Variants in CDH13 observed in about 807,000 individuals in gnomAD.
CDH13 encodes the protein cadherin 13.
Under a neutral mutation model 63.8 loss-of-function variants are expected in CDH13, and 24 were observed. That is an observed-to-expected ratio of 0.38 (90% CI 0.27 to 0.53). The LOEUF is 0.53. Among genes scored for constraint, CDH13 ranks in the 20% least tolerant of loss-of-function variants. The pLI, the probability that CDH13 is intolerant of heterozygous loss-of-function variation, is 0.85. For missense variants in CDH13, 1,049 were observed against 903.1 expected, an observed-to-expected ratio of 1.16 and a Z score of -2.07; for synonymous variants, 503 against 355.3, an observed-to-expected ratio of 1.42 and a Z score of -4.67.
At chr16:82,802,608 C>A (rs1006711177) in intron 1 of CDH13, among the ~76,000 whole-genome samples, 1 of 152,106 alleles carries the variant, frequency 6.6e-6, no homozygotes, top group Non-Finnish European at 1.5e-5. Context: ...TACTCTGGGG[C>A]TTCATGCCCT....
chr16:83,055,937 A>T (rs1040304935), intron 3 of CDH13, among the ~76,000 whole-genome samples: 2 of 152,166 alleles, frequency 1.3e-5, no homozygotes. Context: ...TGGAAAAAAA[A>T]TCTTTGTAAT....
At chr16:83,241,417 A>G (rs7189896) in intron 5 of CDH13, among the ~76,000 whole-genome samples, 145,290 of 152,330 alleles carry the variant, frequency 0.95, 69,298 homozygotes, top group East Asian at 1. Flanking sequence ...GTTGTTTTCT[A>G]TAATGATTGT....
chr16:83,159,562 A>C (rs74031410), intron 4 of CDH13, among the ~76,000 whole-genome samples: 2,601 of 152,296 alleles, frequency 0.017, 77 homozygotes, highest in African/African-American at 0.055. Flanking sequence ...CTCTCCTCTG[A>C]AATTTTGAGC....
chr16:83,349,460 G>C lies in CDH13; in HGVS notation c.781+4454G>C, dbSNP rs141964990. Among the ~76,000 whole-genome samples, 22 of 152,244 alleles carry C rather than the reference G, an allele frequency of 1.4e-4. No individual in the cohort carries two copies. The East Asian group carries it at 3.5e-3, about 24-fold the overall frequency. ...CTGACCATGAGGAATGGCATGTCAG[G>C]CTCCCACAGAAGCAGGCCCTGAGAT... On this transcript the variant is annotated intron_variant, in intron 6 of 13. Transcript: ENST00000567109.
rs74031412 is a variant in CDH13, at chr16:83,159,724, A to G, written c.483+34223A>G. 3.9e-3 allele frequency among the ~76,000 whole-genome samples: 600 copies of G among 152,302 alleles called. 8 individuals carry two copies. Among genetic ancestry groups the G allele is most frequent in the African/African-American group, 0.014 (575 of 41,568 alleles). On this transcript the variant is annotated intron_variant, in intron 4 of 13. Coordinates refer to ENST00000567109, the MANE Select transcript of CDH13 (RefSeq NM_001257.5). ...CATTTAACCAACTCATTTACAGCAT[A>G]GCCGCCTGTCAAGCATATAAAACTG...
chr16:82,832,179 CGTATTGAAAATAA>C (rs1309159518), intron 1 of CDH13, among the ~76,000 whole-genome samples: 7 of 152,060 alleles, frequency 4.6e-5, no homozygotes, highest in Admixed American at 2.0e-4. Flanking sequence ...ACATTTTTCA[CGTATTGAAAATAA>C]GATTTGATTG....
intron 6 of CDH13, among the ~76,000 whole-genome samples, chr16:83,456,512 C>T (rs1240202004): frequency 6.6e-6 from 1 of 152,116 alleles, no homozygotes; most frequent in Admixed American, 6.5e-5. Flanking sequence ...GACTTTTGCC[C>T]TTTGTGGGTT....
At chr16:83,424,929 G>A (rs2071842512) in intron 6 of CDH13, among the ~76,000 whole-genome samples, 1 of 152,156 alleles carries the variant, frequency 6.6e-6, no homozygotes, top group African/African-American at 2.4e-5. Context: ...ATTCGTTAGT[G>A]GAACATCCTG....
At chr16:82,724,929 G>A (rs1372345114) in intron 1 of CDH13, among the ~76,000 whole-genome samples, 1 of 152,108 alleles carries the variant, frequency 6.6e-6, no homozygotes, top group East Asian at 1.9e-4. Context: ...ATAAAATCAG[G>A]ATAATTTAGC....
At chr16:82,688,151 G>T (rs1915272203) in intron 1 of CDH13, among the ~76,000 whole-genome samples, 2 of 152,278 alleles carry the variant, frequency 1.3e-5, no homozygotes, top group Admixed American at 6.5e-5. Flanking sequence ...CAGGGTAGTT[G>T]CTTGGCTCTT....
At chr16:83,013,344 T>TA (rs1179694597) in intron 2 of CDH13, among the ~76,000 whole-genome samples, 1 of 152,202 alleles carries the variant, frequency 6.6e-6, no homozygotes, top group Non-Finnish European at 1.5e-5. Context: ...TTCACAACTT[T>TA]GTGTCATCCT....
intron 1 of CDH13, among the ~76,000 whole-genome samples, chr16:82,651,387 C>G (rs1002718117): frequency 6.6e-6 from 1 of 152,150 alleles, no homozygotes; most frequent in Admixed American, 6.5e-5. Flanking sequence ...CCATCAGAAG[C>G]CTGGGAAAGA....
At chr16:82,891,178 A>C (rs1462068607) in intron 2 of CDH13, among the ~76,000 whole-genome samples, 2 of 152,000 alleles carry the variant, frequency 1.3e-5, no homozygotes, top group African/African-American at 4.8e-5. Context: ...TGATCTCTGT[A>C]AGAGGCTCTG....
intron 1 of CDH13, among the ~76,000 whole-genome samples, chr16:82,659,868 C>T (rs926912942): frequency 6.6e-6 from 1 of 152,094 alleles, no homozygotes; most frequent in Admixed American, 6.5e-5. Context: ...CCACTAGAGG[C>T]CATTGGAAGC....
intron 2 of CDH13, among the ~76,000 whole-genome samples, chr16:83,001,606 A>C (rs747963210): frequency 2.0e-5 from 3 of 152,180 alleles, no homozygotes; most frequent in Non-Finnish European, 4.4e-5. Flanking sequence ...AGTTCTAAGG[A>C]GTTATCTGGC....
intron 5 of CDH13, among the ~76,000 whole-genome samples, chr16:83,233,328 A>G (rs532885355): frequency 6.6e-6 from 1 of 152,286 alleles, no homozygotes; most frequent in South Asian, 2.1e-4. Flanking sequence ...TGATGATCAT[A>G]AGCAGTGCTT....
chr16:82,705,827 C>T (rs117499194), intron 1 of CDH13, among the ~76,000 whole-genome samples: 4,549 of 152,286 alleles, frequency 0.03, 91 homozygotes, highest in Non-Finnish European at 0.044. Flanking sequence ...CAATGTATCA[C>T]GCATTCTCTG....
At chr16:83,383,803 G>C (rs961920307) in intron 6 of CDH13, among the ~76,000 whole-genome samples, 3 of 152,194 alleles carry the variant, frequency 2.0e-5, no homozygotes, top group Non-Finnish European at 2.9e-5. Flanking sequence ...CCTGGATTGA[G>C]TGACTTCCTC....
intron 1 of CDH13, among the ~76,000 whole-genome samples, chr16:82,831,997 G>C (rs2038561554): frequency 6.6e-6 from 1 of 152,154 alleles, no homozygotes; most frequent in Non-Finnish European, 1.5e-5. Flanking sequence ...GCAACGCTTG[G>C]AAGCCAAAGC....
Sources: allele counts gnomAD v4.1 joint callset (sites outside exome capture counted in the v4.1 genomes callset), GRCh38; gene constraint gnomAD v4.1.1; transcripts MANE v1.5; gene names NCBI Gene and HGNC (gene_info 2026-07-23, HGNC 2026-07-21).